DPY19L1: variants seen among roughly 807,000 people sequenced by gnomAD.
DPY19L1 encodes protein C-mannosyl-transferase DPY19L1.
In DPY19L1, 35 loss-of-function variants were observed where a neutral mutation model predicts 96.9. The observed-to-expected ratio is 0.36, with a 90% CI of 0.28 to 0.48. The LOEUF (loss-of-function observed/expected upper bound fraction) is 0.48, where lower values mean the gene tolerates loss of function less well. Ranked by LOEUF, DPY19L1 falls within the 20% of genes least tolerant of loss-of-function variation. The pLI is 0.99. For synonymous variants in DPY19L1, 205 were observed against 252.6 expected (o/e 0.81, Z 1.79); for missense variants, 521 against 777.9 (o/e 0.67, Z 3.93).
chr7:35,005,807 T>C (rs1785540868), intron 6 of DPY19L1, among the ~76,000 whole-genome samples: 1 of 113,874 alleles, frequency 8.8e-6, no homozygotes, highest in Admixed American at 1.1e-4. Context: ...TGAGATTTCG[T>C]CTCAAAAAAA....
intron 1 of DPY19L1, among the ~76,000 whole-genome samples, chr7:35,027,387 G>A (rs897745328): frequency 1.6e-4 from 24 of 151,984 alleles, no homozygotes; most frequent in African/African-American, 3.4e-4. Flanking sequence ...CCTGCTCCCC[G>A]AACTACAAAG....
At chr7:35,024,058 G>A (rs960518045) in intron 1 of DPY19L1, among the ~76,000 whole-genome samples, 2 of 151,776 alleles carry the variant, frequency 1.3e-5, no homozygotes, top group African/African-American at 4.8e-5. Flanking sequence ...GGATGGTATC[G>A]ATCTCCTGGC....
chr7:34,977,927 A>G (rs190571064), intron 7 of DPY19L1, among the ~76,000 whole-genome samples: 1 of 152,104 alleles, frequency 6.6e-6, no homozygotes, highest in Non-Finnish European at 1.5e-5. Flanking sequence ...TCTAGTATAT[A>G]ATTTTTAGCA....
chr7:34,998,992 G>A (rs1418150469), intron 6 of DPY19L1, among the ~76,000 whole-genome samples: 2 of 152,132 alleles, frequency 1.3e-5, no homozygotes, highest in Non-Finnish European at 2.9e-5. Flanking sequence ...TCGACTTCAA[G>A]AAGTCCAATA....
At chr7:34,975,599 C>T (rs796838284) in intron 7 of DPY19L1, among the ~76,000 whole-genome samples, 21 of 152,336 alleles carry the variant, frequency 1.4e-4, no homozygotes, top group African/African-American at 4.8e-4. Flanking sequence ...CACTAAACAA[C>T]AGGGCAGATG....
At chr7:34,942,588 A>C (rs1223888343) in intron 17 of DPY19L1, 27 bp downstream of exon 17, 4 of 1,557,754 alleles carry the variant, frequency 2.6e-6, no homozygotes, top group Non-Finnish European at 3.5e-6. Flanking sequence ...TAAGATAAGT[A>C]AAATTATAGT....
chr7:35,037,038 G>T (rs1786429093), intron 1 of DPY19L1, 59 bp downstream of exon 1: 1 of 146,456 alleles, frequency 6.8e-6, no homozygotes, highest in Admixed American at 6.8e-5. Context: ...GAGGGGAGGG[G>T]AGGGGGCCAG....
intron 9 of DPY19L1, among the ~76,000 whole-genome samples, chr7:34,968,419 T>G (rs920537499): frequency 4.6e-5 from 7 of 152,108 alleles, no homozygotes; most frequent in African/African-American, 1.7e-4. Context: ...GGCTAGTGAA[T>G]AGAATTAGGA....
intron 10 of DPY19L1, among the ~76,000 whole-genome samples, chr7:34,958,357 G>A (rs917785767): frequency 6.6e-5 from 10 of 152,118 alleles, no homozygotes; most frequent in African/African-American, 1.7e-4. Context: ...GCTTTTATTC[G>A]TAATATGTTT....
At position 35,013,603 on chromosome 7, in the gene DPY19L1, T is replaced by C. The variant is rs1487463808; in HGVS notation, c.514A>G (p.Ile172Val). Residue 172 changes from isoleucine to valine, a missense_variant, in exon 4 of 22, where the codon ATT (isoleucine) becomes GTT (valine). By Grantham distance (29) the Ile-to-Val change is conservative. Coordinates refer to ENST00000638088, the MANE Select transcript of DPY19L1 (RefSeq NM_001366673.1). ...AGATTGAATCTTTTTAATGTATTAA[T>C]GACAAGGGGGTATTCAGTCAGTTTA... ...NDKLTEYPLV[I>V]NTLKRFNLYP... 2.5e-6 allele frequency: 4 copies of C among 1,610,506 alleles called. No homozygotes were observed. The highest frequency in any genetic ancestry group is 3.4e-6 in the Non-Finnish European group (4 of 1,178,030).
chr7:34,956,070 C>G (rs1390068157), intron 11 of DPY19L1, among the ~76,000 whole-genome samples: 2 of 152,110 alleles, frequency 1.3e-5, no homozygotes, highest in African/African-American at 4.8e-5. Context: ...ATGGAATATA[C>G]ATAAATATGC....
chr7:35,001,193 A>C (rs2128675442), intron 6 of DPY19L1, among the ~76,000 whole-genome samples: 1 of 152,340 alleles, frequency 6.6e-6, no homozygotes, highest in Non-Finnish European at 1.5e-5. Context: ...TGCAATCAAA[A>C]ACAGTCTTCA....
chr7:34,973,417 GTTAA>G (rs1021588319), intron 8 of DPY19L1, 93 bp downstream of exon 8: 10 of 648,214 alleles, frequency 1.5e-5, no homozygotes, highest in South Asian at 6.6e-5. Context: ...CATCATATTG[GTTAA>G]TTATTTTATT....
At chr7:34,986,459 CAAAT>C (rs1204379254) in intron 7 of DPY19L1, among the ~76,000 whole-genome samples, 2 of 152,010 alleles carry the variant, frequency 1.3e-5, no homozygotes, top group East Asian at 1.9e-4. Flanking sequence ...TTTAAAAATA[CAAAT>C]AAATAAAATC....
chr7:34,964,352 C>T (rs1000655144), intron 10 of DPY19L1, among the ~76,000 whole-genome samples: 1 of 152,034 alleles, frequency 6.6e-6, no homozygotes, highest in African/African-American at 2.4e-5. Flanking sequence ...ATGTGACCAG[C>T]CAACTCTGAA....
chr7:34,993,639 T>G (rs1449822013), intron 6 of DPY19L1, among the ~76,000 whole-genome samples: 1 of 149,952 alleles, frequency 6.7e-6, no homozygotes, highest in East Asian at 2.0e-4. Flanking sequence ...TTGTCAGACT[T>G]CTGATCAGAA....
intron 21 of DPY19L1, among the ~76,000 whole-genome samples, chr7:34,933,546 G>A (rs560485079): frequency 3.9e-5 from 6 of 152,222 alleles, no homozygotes; most frequent in Admixed American, 1.3e-4. Context: ...TGCCAAGGGA[G>A]ATTAATGTTT....
intron 1 of DPY19L1, among the ~76,000 whole-genome samples, chr7:35,032,990 T>A (rs1281423921): frequency 6.6e-6 from 1 of 152,170 alleles, no homozygotes; most frequent in African/African-American, 2.4e-5. Flanking sequence ...GTCCTTGTAG[T>A]GCAACCACCC....
At chr7:34,970,289 T>C (rs997341525) in intron 8 of DPY19L1, among the ~76,000 whole-genome samples, 2 of 152,312 alleles carry the variant, frequency 1.3e-5, no homozygotes, top group South Asian at 4.1e-4. Flanking sequence ...AGCACCATTA[T>C]GACATGCCTT....
Sources: allele counts gnomAD v4.1 joint callset (sites outside exome capture counted in the v4.1 genomes callset), GRCh38; gene constraint gnomAD v4.1.1; transcripts MANE v1.5; gene names NCBI Gene and HGNC (gene_info 2026-07-23, HGNC 2026-07-21).